Variants in FBXO34 observed in about 807,000 individuals in gnomAD.
FBXO34 encodes F-box protein 34.
FBXO34 carries 12 observed loss-of-function variants against 24.5 expected under a neutral mutation model. The ratio of observed to expected loss-of-function variants is 0.49; its 90% CI spans 0.31 to 0.79. FBXO34 has a LOEUF of 0.79. Among genes scored for constraint, FBXO34 ranks in the 30% least tolerant of loss-of-function variants. FBXO34 has a pLI of 0.04. For missense variants in FBXO34, 823 were observed against 857.7 expected (o/e 0.96, Z 0.51); for synonymous variants, 320 against 311.9 (o/e 1.03, Z -0.27).
the FBXO34 span, among the ~76,000 whole-genome samples, chr14:55,418,493 T>C: frequency 1.6e-4 from 24 of 152,308 alleles, 1 homozygote; most frequent in African/African-American, 5.5e-4. Flanking sequence ...ATTGCACCGC[T>C]CAAGTTATTC....
At chr14:55,382,746 C>T in the FBXO34 span, among the ~76,000 whole-genome samples, 2 of 152,232 alleles carry the variant, frequency 1.3e-5, no homozygotes, top group East Asian at 1.9e-4. Flanking sequence ...GTGAGGAAGA[C>T]GGAACCATGA....
the FBXO34 span, chr14:55,429,124 T>C: frequency 2.0e-4 from 184 of 929,372 alleles, no homozygotes; most frequent in Non-Finnish European, 2.3e-4. Flanking sequence ...TTACTTCCCA[T>C]ACTTTCGTCC....
At chr14:55,275,633 T>A (rs1383049179) in intron 1 of FBXO34, among the ~76,000 whole-genome samples, 4 of 148,348 alleles carry the variant, frequency 2.7e-5, no homozygotes, top group African/African-American at 5.0e-5. Flanking sequence ...GCTAACACAG[T>A]GGAACCCCAT....
chr14:55,314,512 T>A (rs1186352255), intron 1 of FBXO34, among the ~76,000 whole-genome samples: 1 of 145,050 alleles, frequency 6.9e-6, no homozygotes, highest in African/African-American at 2.5e-5. Context: ...CCCTTGAGTC[T>A]GTTCCCTGGG....
intron 1 of FBXO34, among the ~76,000 whole-genome samples, chr14:55,299,957 C>T (rs1005307664): frequency 6.6e-6 from 1 of 152,192 alleles, no homozygotes; most frequent in Non-Finnish European, 1.5e-5. Context: ...ACTTCCCCCT[C>T]CTGAATTATT....
At chr14:55,314,281 G>A (rs1882853486) in intron 1 of FBXO34, among the ~76,000 whole-genome samples, 3 of 152,096 alleles carry the variant, frequency 2.0e-5, no homozygotes. Context: ...TACCACCTTA[G>A]GGCACATTCT....
chr14:55,408,240 C>T, the FBXO34 span, among the ~76,000 whole-genome samples: 2 of 152,056 alleles, frequency 1.3e-5, no homozygotes, highest in Non-Finnish European at 2.9e-5. Flanking sequence ...ATGGCTTGAG[C>T]TCCAGAGTCC....
intron 1 of FBXO34, among the ~76,000 whole-genome samples, chr14:55,297,094 A>T (rs1330073372): frequency 4.6e-5 from 7 of 152,178 alleles, no homozygotes; most frequent in African/African-American, 1.7e-4. Flanking sequence ...CCTTTACAGT[A>T]CACGTGGCTG....
At chr14:55,304,799 A>T (rs1287039278) in intron 1 of FBXO34, among the ~76,000 whole-genome samples, 1 of 152,036 alleles carries the variant, frequency 6.6e-6, no homozygotes, top group Non-Finnish European at 1.5e-5. Flanking sequence ...TGCCCAACCC[A>T]CCCTAGCCCA....
intron 3 of FBXO34, among the ~76,000 whole-genome samples, chr14:55,359,910 T>C (rs1409617011): frequency 9.5e-5 from 12 of 125,786 alleles, no homozygotes; most frequent in Non-Finnish European, 1.8e-4. Flanking sequence ...GGAGACCTTG[T>C]GCCTACAAAA....
At chr14:55,291,326 T>G (rs978073135) in intron 1 of FBXO34, among the ~76,000 whole-genome samples, 1 of 152,230 alleles carries the variant, frequency 6.6e-6, no homozygotes, top group African/African-American at 2.4e-5. Flanking sequence ...ACTTCTATGC[T>G]TACATACTGA....
chr14:55,420,336 G>A, the FBXO34 span, among the ~76,000 whole-genome samples: 1 of 152,152 alleles, frequency 6.6e-6, no homozygotes, highest in Admixed American at 6.5e-5. Flanking sequence ...TGAGCACAAC[G>A]CCTAGCCAGG....
At chr14:55,311,100 A>G (rs1462164651) in intron 1 of FBXO34, among the ~76,000 whole-genome samples, 2 of 152,248 alleles carry the variant, frequency 1.3e-5, no homozygotes, top group Admixed American at 6.5e-5. Flanking sequence ...TTTATAAAGG[A>G]AAGAGGTTTA....
At chr14:55,366,795 C>G (rs1395765601), downstream of FBXO34, 1 of 152,430 alleles carries the variant, frequency 6.6e-6, no homozygotes, top group Non-Finnish European at 1.5e-5. Flanking sequence ...AAACAAAATA[C>G]CAGCTTCAAT....
chr14:55,351,384 G>A lies in FBXO34; in HGVS notation c.994G>A (p.Val332Ile), dbSNP rs139920556. Residue 332 changes from valine to isoleucine, a missense_variant, in exon 2 of 2, where the codon GTC becomes ATC. Val to Ile is a conservative substitution (Grantham distance 29). Around this residue, in one of 2 missense-constraint regions of FBXO34, gnomAD observed 693 missense variants for 659.1 expected, o/e 1.05. Transcript: ENST00000313833. ...TGATGAAGGCAAAACAAAGAAAGGCGTCTTGGAGGCACCTGACACTCAGGT... is the reference window on the plus strand; with the variant it reads ...TGATGAAGGCAAAACAAAGAAAGGCATCTTGGAGGCACCTGACACTCAGGT... ...QADEGKTKKG[V>I]LEAPDTQVNP... 976 of 1,614,202 alleles carry A rather than the reference G, an allele frequency of 6.0e-4. 2 individuals are homozygous for A. Among genetic ancestry groups the A allele is most frequent in the East Asian group, 3.3e-3 (147 of 44,882 alleles).
At chr14:55,428,660 G>T in the FBXO34 span, 1 of 819,730 alleles carries the variant, frequency 1.2e-6, no homozygotes, top group Non-Finnish European at 1.8e-6. Flanking sequence ...GAGAACTCAG[G>T]CATAGCATCT....
At chr14:55,356,617 G>T (rs1884526274), downstream of FBXO34, among the ~76,000 whole-genome samples, 1 of 125,288 alleles carries the variant, frequency 8.0e-6, no homozygotes, top group Non-Finnish European at 1.8e-5. Context: ...GGGCCCAGCT[G>T]ATTTTTTTAT....
chr14:55,360,324 C>T lies in FBXO34; in HGVS notation c.*589-1409C>T, dbSNP rs189175677. Among the ~76,000 whole-genome samples the T allele has an allele frequency of 1.5e-3, 234 of 152,238 alleles. 2 individuals are homozygous for T. The highest frequency in any genetic ancestry group is 5.2e-3 in the African/African-American group (217 of 41,568). On this transcript the variant is annotated intron_variant and NMD_transcript_variant, in intron 3 of 3. Coordinates refer to the FBXO34 transcript ENST00000555280. ...CTGATCTCAGGTGATCTGCCCGCCT[C>T]GGCCTCCCAAAGTGCTGGGATGACA...
At chr14:55,396,065 A>AAGACAG in the FBXO34 span, 1 of 1,057,484 alleles carries the variant, frequency 9.5e-7, no homozygotes, top group Admixed American at 2.6e-5. Context: ...AAACACTTAA[A>AAGACAG]ATTAAGTCCT....
Sources: gnomAD v4.1 joint callset for allele counts (sites outside exome capture counted in the v4.1 genomes callset) on GRCh38, gnomAD v4.1.1 for gene constraint, gnomAD v4.1.1 regional missense constraint, MANE v1.5 for transcripts, NCBI Gene and HGNC (gene_info 2026-07-23, HGNC 2026-07-21) for gene names.